Variants in FYN observed in about 807,000 individuals in gnomAD.
The protein encoded by FYN is tyrosine-protein kinase Fyn.
In FYN, 10 loss-of-function variants were observed where a neutral mutation model predicts 70.2. The ratio of observed to expected loss-of-function variants is 0.14; its 90% CI spans 0.09 to 0.24. FYN has a LOEUF of 0.24. Ranked by LOEUF, FYN falls within the 10% of genes least tolerant of loss-of-function variation. The pLI, the probability that FYN is intolerant of heterozygous loss-of-function variation, is 1.00. For missense variants in FYN, 319 were observed against 673.1 expected (o/e 0.47, Z 5.82); for synonymous variants, 236 against 248.6 (o/e 0.95, Z 0.48).
intron 3 of FYN, among the ~76,000 whole-genome samples, chr6:111,735,940 A>G (rs922645978): frequency 6.6e-6 from 1 of 152,202 alleles, no homozygotes; most frequent in African/African-American, 2.4e-5. Context: ...CACACAAAAC[A>G]CTTCATATCT....
At chr6:111,866,312 C>T (rs1774103328) in intron 1 of FYN, among the ~76,000 whole-genome samples, 1 of 152,130 alleles carries the variant, frequency 6.6e-6, no homozygotes, top group Non-Finnish European at 1.5e-5. Context: ...AGGGTCAAAC[C>T]CGGACCCTAC....
chr6:111,661,801 T>C lies in FYN; in HGVS notation c.1552A>G (p.Ser518Gly). ...GCGGTAAAGTAGTCTTCCAGGAAGC[T>C]CTGCAAGTACTCAAAAGTGGGGCGT... The part of the protein sequence containing the change: ...EERPTFEYLQ[S>G]FLEDYFTATE... The change falls in exon 14 of 14, where the codon AGC becomes GGC. Residue 518 changes from serine (S) to glycine (G), a missense_variant. By Grantham distance (56) the Ser-to-Gly change is moderately conservative. Coordinates refer to ENST00000354650, the MANE Select transcript of FYN (RefSeq NM_002037.5). The surrounding 1 kb of genome is among the most constrained non-coding windows in gnomAD (Gnocchi z 4.0). The C allele has an allele frequency of 1.2e-6, 2 of 1,614,192 alleles. No individual in the cohort carries two copies. Among genetic ancestry groups the C allele is most frequent in the South Asian group, 2.2e-5 (2 of 91,082 alleles).
intron 3 of FYN, among the ~76,000 whole-genome samples, chr6:111,733,235 C>T (rs898853450): frequency 3.9e-5 from 6 of 152,210 alleles, no homozygotes; most frequent in African/African-American, 1.4e-4. Context: ...TGACCTTTTA[C>T]ATATGCTATC....
At chr6:111,722,739 G>A (rs1334382761) in intron 3 of FYN, among the ~76,000 whole-genome samples, 1 of 152,210 alleles carries the variant, frequency 6.6e-6, no homozygotes, top group African/African-American at 2.4e-5. Flanking sequence ...CTACTGGGTA[G>A]AGGCCAAGAA....
intron 13 of FYN, among the ~76,000 whole-genome samples, chr6:111,664,685 G>A (rs1327078034): frequency 1.3e-5 from 2 of 151,984 alleles, no homozygotes; most frequent in Non-Finnish European, 2.9e-5. Flanking sequence ...AGACCCACAT[G>A]GTCAGGCTCC....
intron 3 of FYN, among the ~76,000 whole-genome samples, chr6:111,739,105 A>T (rs1801832111): frequency 6.6e-6 from 1 of 152,214 alleles, no homozygotes; most frequent in Non-Finnish European, 1.5e-5. Flanking sequence ...ACCCCAGGGC[A>T]AAGTACCAAT....
chr6:111,717,430 G>A (rs890095014), intron 4 of FYN, among the ~76,000 whole-genome samples: 2 of 151,926 alleles, frequency 1.3e-5, no homozygotes, highest in Non-Finnish European at 2.9e-5. Flanking sequence ...CAGAGTGCCT[G>A]CTATGACCTA....
intron 12 of FYN, chr6:111,676,301 T>C (rs1183688689): frequency 4.6e-5 from 7 of 152,260 alleles, no homozygotes; most frequent in Non-Finnish European, 1.0e-4. Flanking sequence ...TATTTCATTA[T>C]GAGGCATCTC....
chr6:111,756,618 A>G (rs1359011732), intron 3 of FYN, among the ~76,000 whole-genome samples: 1 of 152,218 alleles, frequency 6.6e-6, no homozygotes, highest in Non-Finnish European at 1.5e-5. Flanking sequence ...AAAATATATC[A>G]CGACTAATGT....
chr6:111,764,885 G>A (rs567178336), intron 3 of FYN, among the ~76,000 whole-genome samples: 1 of 152,132 alleles, frequency 6.6e-6, no homozygotes, highest in African/African-American at 2.4e-5. Flanking sequence ...CCCTGCTGTG[G>A]CTCATTCTCT....
chr6:111,802,564 T>C (rs1034512967), intron 2 of FYN, among the ~76,000 whole-genome samples: 1 of 152,088 alleles, frequency 6.6e-6, no homozygotes, highest in Non-Finnish European at 1.5e-5. Context: ...TCCCGATAGC[T>C]GGGACTACAG....
At chr6:111,850,728 A>C (rs1250788101) in intron 1 of FYN, among the ~76,000 whole-genome samples, 1 of 152,214 alleles carries the variant, frequency 6.6e-6, no homozygotes, top group Non-Finnish European at 1.5e-5. Context: ...GCCCAGGAAC[A>C]GGCCCACTCT....
chr6:111,778,994 C>T (rs1771062748), intron 3 of FYN, among the ~76,000 whole-genome samples: 1 of 152,060 alleles, frequency 6.6e-6, no homozygotes, highest in Admixed American at 6.6e-5. Flanking sequence ...ACTATATACC[C>T]CCTCCTCACA....
At chr6:111,845,774 A>C (rs1289414106) in intron 2 of FYN, among the ~76,000 whole-genome samples, 1 of 152,196 alleles carries the variant, frequency 6.6e-6, no homozygotes, top group Admixed American at 6.5e-5. Context: ...GTGGGGGCCG[A>C]AAAGGACGCC....
chr6:111,702,324 T>A, intron 8 of FYN: 1 of 152,328 alleles, frequency 6.6e-6, no homozygotes. Context: ...GAAACTGATG[T>A]ACATTATAAA....
At chr6:111,824,757 C>G (rs999880181) in intron 2 of FYN, among the ~76,000 whole-genome samples, 1 of 152,164 alleles carries the variant, frequency 6.6e-6, no homozygotes, top group East Asian at 1.9e-4. Context: ...CCTGTCCCCT[C>G]CACTACTCAC....
At chr6:111,785,034 A>G (rs1415165335) in intron 2 of FYN, among the ~76,000 whole-genome samples, 2 of 152,238 alleles carry the variant, frequency 1.3e-5, no homozygotes, top group Non-Finnish European at 2.9e-5. Context: ...CTAACTTCTT[A>G]GCCACAAGAG....
intron 2 of FYN, among the ~76,000 whole-genome samples, chr6:111,811,763 T>C (rs1031762386): frequency 3.3e-5 from 5 of 152,122 alleles, no homozygotes; most frequent in Non-Finnish European, 1.5e-5. Flanking sequence ...CTGCCAGGAA[T>C]TTGGAGTTCG....
At chr6:111,764,216 CAAAAAA>C (rs11409465) in intron 3 of FYN, among the ~76,000 whole-genome samples, 15 of 58,382 alleles carry the variant, frequency 2.6e-4, no homozygotes, top group Non-Finnish European at 3.9e-4. Context: ...TTTTGTCAAG[CAAAAAA>C]AAAAAAAAAA....
Sources: gnomAD v4.1 joint callset for allele counts (sites outside exome capture counted in the v4.1 genomes callset) on GRCh38, gnomAD v4.1.1 for gene constraint, Gnocchi (gnomAD v3.1) non-coding constraint, MANE v1.5 for transcripts, NCBI Gene and HGNC (gene_info 2026-07-23, HGNC 2026-07-21) for gene names.